PUM1: variants seen among roughly 807,000 people sequenced by gnomAD.
PUM1 encodes the protein pumilio RNA binding family member 1.
Under a neutral mutation model 131.8 loss-of-function variants are expected in PUM1, and 13 were observed. The observed-to-expected ratio is 0.10, with a 90% CI of 0.06 to 0.16. The LOEUF is 0.16. Ranked by LOEUF, PUM1 falls within the 10% of genes least tolerant of loss-of-function variation. PUM1 has a pLI of 1.00. For missense variants in PUM1, 961 were observed against 1,512.4 expected (o/e 0.64, Z 6.05); for synonymous variants, 509 against 556.5 (o/e 0.91, Z 1.20).
Position 30,934,720 on chromosome 1 carries a change from C to T in PUM1, c.3436-1378G>A, listed in dbSNP as rs570528071. The stretch of plus-strand genomic sequence containing the variant: ...GATCCCCTTGCTTTTGGTAGCTTTC[C>T]TTTTAGAAAATAACTGAAATCCAAT... On this transcript the variant is annotated intron_variant, in intron 21 of 21. Transcript: ENST00000426105. 3.9e-5 allele frequency among the ~76,000 whole-genome samples: 6 copies of T among 152,308 alleles called. 1 individual carries two copies. In the East Asian group the frequency reaches 1.2e-3, roughly 29 times the overall value.
chr1:30,950,094 A>G (rs982231151), intron 17 of PUM1, 33 bp downstream of exon 17: 2 of 1,600,806 alleles, frequency 1.2e-6, no homozygotes, highest in Non-Finnish European at 1.7e-6. Context: ...AGAAACATCA[A>G]ACACCAAGAG....
rs531118173 is a variant in PUM1, at chr1:31,037,777, G to A, written c.364-8913C>T. ...AAATTGGCATCATTTAGGGCCGGGC[G>A]TGGTGGCTCACACCTGTAATCCCAG... On this transcript the variant is annotated intron_variant, in intron 2 of 21. Transcript: ENST00000426105. Among the ~76,000 whole-genome samples the A allele has an allele frequency of 7.8e-4, 118 of 151,990 alleles. 2 individuals are homozygous for A. The highest frequency in any genetic ancestry group is 2.6e-3 in the African/African-American group (106 of 41,462).
chr1:30,971,775 G>T (rs561638864), intron 10 of PUM1, among the ~76,000 whole-genome samples: 20 of 152,284 alleles, frequency 1.3e-4, no homozygotes, highest in African/African-American at 4.1e-4. Context: ...TACATGTACA[G>T]CACTTAACTC....
intron 2 of PUM1, 44 bp downstream of exon 2, chr1:31,059,160 A>C (rs1644315807): frequency 2.0e-6 from 3 of 1,519,172 alleles, no homozygotes; most frequent in Non-Finnish European, 2.6e-6. Context: ...GTGGACAGTG[A>C]TTATAAAGGA....
chr1:30,992,767 T>C (rs1277008939), intron 6 of PUM1, 107 bp from the exon 7 acceptor site: 2 of 915,038 alleles, frequency 2.2e-6, no homozygotes, highest in South Asian at 1.7e-5. Flanking sequence ...ATCAACAGTA[T>C]TTAAAACTAT....
intron 1 of PUM1, among the ~76,000 whole-genome samples, chr1:31,065,413 T>TC (rs1237471932): frequency 2.6e-5 from 2 of 77,696 alleles, no homozygotes; most frequent in East Asian, 8.0e-4. Context: ...ACCCCCTCCC[T>TC]CCTTTGATAA....
At chr1:31,004,117 A>T (rs1361025602) in intron 5 of PUM1, among the ~76,000 whole-genome samples, 1 of 152,228 alleles carries the variant, frequency 6.6e-6, no homozygotes, top group Non-Finnish European at 1.5e-5. Context: ...TTTGTAAAAG[A>T]GGTAAATCAC....
chr1:30,956,555 C>T (rs998591810), intron 14 of PUM1, among the ~76,000 whole-genome samples: 5 of 152,122 alleles, frequency 3.3e-5, no homozygotes, highest in East Asian at 1.9e-4. Context: ...TGAGCCACGG[C>T]GCCCGGCCAA....
At chr1:31,042,142 C>T (rs1643839120) in intron 2 of PUM1, among the ~76,000 whole-genome samples, 1 of 151,834 alleles carries the variant, frequency 6.6e-6, no homozygotes, top group Admixed American at 6.6e-5. Flanking sequence ...CCTGTCTCTA[C>T]TAAAACTATA....
In PUM1 at chr1:30,941,175, A is replaced by G. The variant is rs376327072; in HGVS notation, c.3218T>C (p.Val1073Ala). ...IVAEIRGNVLVLSQHKFASNV... is the reference protein window; with the variant it reads ...IVAEIRGNVLALSQHKFASNV... The stretch of plus-strand genomic sequence containing the variant: ...CCTTGCAAATTTGTGCTGACTCAAT[A>G]CAAGTACATTGCCTCGGATTTCTGC... Residue 1073 changes from valine to alanine, a missense_variant, in exon 20 of 22, where the codon GTA (valine) becomes GCA (alanine). Around this residue, in one of 4 missense-constraint regions of PUM1, gnomAD observed 178 missense variants for 327.5 expected, o/e 0.54. Transcript: ENST00000426105. 2.5e-6 allele frequency: 4 copies of G among 1,613,764 alleles called. No homozygotes were observed. The South Asian group carries it at 3.3e-5, about 13-fold the overall frequency.
chr1:30,994,973 G>T, intron 6 of PUM1, 81 bp downstream of exon 6: 1 of 1,475,112 alleles, frequency 6.8e-7, no homozygotes, highest in Non-Finnish European at 9.2e-7. Context: ...GGAAGAAAAC[G>T]AAAATCAAAG....
chr1:30,976,635 A>G (rs928879693), intron 9 of PUM1, among the ~76,000 whole-genome samples: 13 of 152,208 alleles, frequency 8.5e-5, no homozygotes, highest in African/African-American at 3.1e-4. Context: ...TGTTTTCTAT[A>G]CCTGTGGGCT....
intron 6 of PUM1, 93 bp downstream of exon 6, chr1:30,994,961 G>T: frequency 7.6e-7 from 1 of 1,324,444 alleles, no homozygotes; most frequent in Non-Finnish European, 1.0e-6. Flanking sequence ...AACATGAAGA[G>T]GGGAAGAAAA....
At chr1:31,018,447 G>C (rs964473633) in intron 3 of PUM1, among the ~76,000 whole-genome samples, 2 of 152,200 alleles carry the variant, frequency 1.3e-5, no homozygotes, top group African/African-American at 4.8e-5. Flanking sequence ...CCTGAGGTCA[G>C]GAGTTCGAGA....
intron 3 of PUM1, among the ~76,000 whole-genome samples, chr1:31,013,564 A>G (rs1451081507): frequency 1.3e-5 from 2 of 152,250 alleles, no homozygotes; most frequent in Non-Finnish European, 2.9e-5. Flanking sequence ...CAGCCAATGC[A>G]GGAAACAAAT....
intron 2 of PUM1, among the ~76,000 whole-genome samples, chr1:31,057,405 CAAA>C (rs1223950994): frequency 4.4e-5 from 3 of 68,748 alleles, no homozygotes; most frequent in Non-Finnish European, 2.6e-5. Flanking sequence ...GACCTTGTCT[CAAA>C]AAAAAAAAAA....
rs560485111 is a variant in PUM1, at chr1:31,051,034, T to C, written c.363+8170A>G. The C allele has an allele frequency of 5.2e-5, 8 of 153,956 alleles. No individual in the cohort carries two copies. In the East Asian group the frequency reaches 1.5e-3, roughly 29 times the overall value. The allele number at this position is 153,956 out of a possible 1,614,324, so 9.5% of individuals were successfully genotyped here. A position where few individuals can be genotyped will look rare whatever the true frequency, so the allele number is the denominator to read the frequency against. ...GCGAAGAAAATGGGTTTCATTAAAT[T>C]GGGCTGCATTAAGTTGGACGAAGTG... On this transcript the variant is annotated intron_variant, in intron 2 of 21. Transcript: ENST00000426105.
intron 5 of PUM1, among the ~76,000 whole-genome samples, chr1:31,001,786 A>G (rs1642225110): frequency 6.6e-6 from 1 of 152,194 alleles, no homozygotes; most frequent in Non-Finnish European, 1.5e-5. Flanking sequence ...TAGACATACT[A>G]TGTTTTTTCC....
rs141826630 is a variant in PUM1 at position 31,058,940 on chromosome 1, G to A, written c.363+264C>T. 1.2e-3 allele frequency among the ~76,000 whole-genome samples: 176 copies of A among 151,722 alleles called. 1 individual carries two copies. Among genetic ancestry groups the A allele is most frequent in the Middle Eastern group, 6.8e-3 (2 of 294 alleles). On this transcript the variant is annotated intron_variant, in intron 2 of 21. Coordinates refer to ENST00000426105, the MANE Select transcript of PUM1 (RefSeq NM_001020658.2). ...AGCCGAGATCAAGCCGAGATCAGGC[G>A]ACTACACTCCAGCCTGGGTGACAGA...
Sources: allele counts gnomAD v4.1 joint callset (sites outside exome capture counted in the v4.1 genomes callset), GRCh38; gene constraint gnomAD v4.1.1; regional missense constraint gnomAD v4.1.1; transcripts MANE v1.5; gene names NCBI Gene and HGNC (gene_info 2026-07-23, HGNC 2026-07-21).